GREB1: variants seen among roughly 807,000 people sequenced by gnomAD.
The protein encoded by GREB1 is growth regulating estrogen receptor binding 1.
In GREB1, 106 loss-of-function variants were observed where a neutral mutation model predicts 200.7. The ratio of observed to expected loss-of-function variants is 0.53; its 90% confidence interval spans 0.45 to 0.62. The LOEUF (loss-of-function observed/expected upper bound fraction) is 0.62. GREB1 is among the 20% of genes least tolerant of loss of function. The pLI is 0.00. For missense variants in GREB1, 2,243 were observed against 2,556.8 expected, an observed-to-expected ratio of 0.88 and a Z score of 2.65; for synonymous variants, 1,132 against 1,092.4, an observed-to-expected ratio of 1.04 and a Z score of -0.72.
chr2:11,521,271 A>G (rs1157912696), intron 1 of GREB1, among the ~76,000 whole-genome samples: 1 of 151,884 alleles, frequency 6.6e-6, no homozygotes, highest in East Asian at 1.9e-4. Flanking sequence ...CACCATACCA[A>G]GCTAATTTTT....
intron 17 of GREB1, among the ~76,000 whole-genome samples, chr2:11,604,743 C>T (rs1000006817): frequency 2.6e-5 from 4 of 152,172 alleles, no homozygotes; most frequent in African/African-American, 9.7e-5. Context: ...TCCACCATAC[C>T]GCACTGCCTT....
At chr2:11,507,278 AGG>A (rs1673206802) in intron 1 of GREB1, among the ~76,000 whole-genome samples, 1 of 152,058 alleles carries the variant, frequency 6.6e-6, no homozygotes, top group African/African-American at 2.4e-5. Flanking sequence ...GCGTGGTGGC[AGG>A]TGCCTATAAT....
rs749503604 is a variant in GREB1, at chr2:11,585,143, A to C, written c.902-18A>C. On this transcript the variant is annotated intron_variant, in intron 7 of 32. Transcript: ENST00000381486. ...CTGTCCTGGTGATAGCCTAATCCAC[A>C]CTCTGAATATTGTCTAGGTATCTTG... The C allele has an allele frequency of 1.3e-5, 19 of 1,435,448 alleles. No individual in the cohort carries two copies. In the East Asian group the frequency reaches 4.1e-4, roughly 31 times the overall value. 88.9% of individuals were successfully genotyped at this position (1,435,448 alleles called of 1,614,324 possible).
chr2:11,621,040 G>A lies in GREB1; in HGVS notation c.4147+33G>A, dbSNP rs752829052. On this transcript the variant is annotated intron_variant, in intron 23 of 32. Transcript: ENST00000381486. ...ATCTGTTTGGGGTTATGTGGGCTTG[G>A]AGCCACCTTCATCACTTTCTCAAGT... 8.5e-6 allele frequency: 10 copies of A among 1,173,482 alleles called. No homozygotes were observed. The Admixed American group carries it at 1.4e-4, about 16-fold the overall frequency. 72.7% of individuals were successfully genotyped at this position (1,173,482 alleles called of 1,614,324 possible). A position where few individuals can be genotyped will look rare whatever the true frequency, so the allele number is the denominator to read the frequency against.
chr2:11,628,264 T>C (rs1361666288), intron 25 of GREB1, among the ~76,000 whole-genome samples: 14 of 152,204 alleles, frequency 9.2e-5, no homozygotes. Context: ...AATATTTCTT[T>C]TCATTTCAGA....
chr2:11,501,183 G>A lies in GREB1; in HGVS notation c.-159+18802G>A, dbSNP rs116402381. On this transcript the variant is annotated intron_variant, in intron 1 of 2. Coordinates refer to the GREB1 transcript ENST00000628795. ...ACACATTCAGTTTTTTTTCCTGGAG[G>A]GACACTCTTTAATCAGCTGTGTTCC... Among the ~76,000 whole-genome samples, 1,032 of 152,140 alleles carry A rather than the reference G, an allele frequency of 6.8e-3. 10 individuals carry two copies. The highest frequency in any genetic ancestry group is 0.022 in the African/African-American group (912 of 41,486).
upstream of GREB1, among the ~76,000 whole-genome samples, chr2:11,533,878 G>A (rs1333484161): frequency 6.6e-6 from 1 of 152,168 alleles, no homozygotes; most frequent in East Asian, 1.9e-4. Context: ...ACTATAACTT[G>A]ATATATGTGT....
intron 11 of GREB1, among the ~76,000 whole-genome samples, chr2:11,594,989 T>C (rs12473442): frequency 0.58 from 86,097 of 148,748 alleles, 26,178 homozygotes; most frequent in African/African-American, 0.79. Flanking sequence ...CCACTGTGCC[T>C]GGCCTTTTTT....
chr2:11,518,171 C>G (rs1476113168), intron 1 of GREB1, among the ~76,000 whole-genome samples: 1 of 152,136 alleles, frequency 6.6e-6, no homozygotes, highest in Non-Finnish European at 1.5e-5. Flanking sequence ...GAGTGGACAA[C>G]CTGCTGAGAG....
rs13424731 is a variant in GREB1 at position 11,588,669 on chromosome 2, C to T, written c.1160-77C>T. On this transcript the variant is annotated intron_variant, in intron 9 of 32. Transcript: ENST00000381486. ...TCACCTATCTCCTTCAGTGCCCTCA[C>T]CCCCAGAGAACCCACATGTATGGGA... The T allele has an allele frequency of 5.7e-3, 7,590 of 1,327,166 alleles. 330 individuals carry two copies. The African/African-American group carries it at 0.091, about 16-fold the overall frequency. The allele number at this position is 1,327,166 out of a possible 1,614,324, so 82.2% of individuals were successfully genotyped here.
intron 25 of GREB1, among the ~76,000 whole-genome samples, chr2:11,628,655 A>G (rs557021208): frequency 7.2e-5 from 11 of 152,338 alleles, no homozygotes; most frequent in Non-Finnish European, 1.6e-4. Context: ...AAAAACATAC[A>G]TGAAAACACG....
At chr2:11,576,234 G>A in intron 4 of GREB1, 119 bp from the exon 5 acceptor site, 1 of 757,492 alleles carries the variant, frequency 1.3e-6, no homozygotes, top group Non-Finnish European at 2.2e-6. Context: ...TTGAACCTGG[G>A]AGATAGAGGT....
In GREB1 at chr2:11,634,138, T is replaced by A. The variant is rs769980721; in HGVS notation, c.4999T>A (p.Ser1667Thr). The change falls in exon 29 of 33, where the codon TCC becomes ACC. Residue 1667 changes from serine to threonine, a missense_variant. By Grantham distance (58) the Ser-to-Thr change is moderately conservative (BLOSUM62 1). Around this residue, in one of 3 missense-constraint regions of GREB1, gnomAD observed 478 missense variants for 616.3 expected, o/e 0.78. Transcript: ENST00000381486. ...NSAGERSREF[S>T]WSERNVSLKH... ...TCTCCCTCCTTGGAGCAGGGAGTTCTCCTGGTCGGAAAGGAACGTGTCTTT... is the reference window on the plus strand; with the variant it reads ...TCTCCCTCCTTGGAGCAGGGAGTTCACCTGGTCGGAAAGGAACGTGTCTTT... 4 of 1,614,174 alleles carry A rather than the reference T, an allele frequency of 2.5e-6. No homozygotes were observed. The highest frequency in any genetic ancestry group is 3.4e-6 in the Non-Finnish European group (4 of 1,180,010).
chr2:11,531,489 A>C (rs889536976), upstream of GREB1, among the ~76,000 whole-genome samples: 1 of 152,132 alleles, frequency 6.6e-6, no homozygotes, highest in African/African-American at 2.4e-5. Context: ...AATTTAGAAA[A>C]TACAGATGAT....
intron 7 of GREB1, among the ~76,000 whole-genome samples, chr2:11,584,285 G>A (rs1459373264): frequency 6.6e-6 from 1 of 152,186 alleles, no homozygotes; most frequent in Non-Finnish European, 1.5e-5. Context: ...AACCATTCAC[G>A]AAGATAGTTT....
In GREB1 at chr2:11,604,971, G is replaced by A. The variant is rs1682114432; in HGVS notation, c.2666+2429G>A. Among the ~76,000 whole-genome samples the A allele has an allele frequency of 2.0e-5, 3 of 151,940 alleles. No homozygotes were observed. The South Asian group carries it at 6.2e-4, about 32-fold the overall frequency. On this transcript the variant is annotated intron_variant, in intron 17 of 32. Transcript: ENST00000381486. The stretch of plus-strand genomic sequence containing the variant: ...CTGTGACTTAAAAACAAAAGATCTA[G>A]ACCTTTGACAACTCCTATTTTTATT...
chr2:11,522,977 T>C (rs1334897328), intron 1 of GREB1, among the ~76,000 whole-genome samples: 1 of 152,178 alleles, frequency 6.6e-6, no homozygotes, highest in Non-Finnish European at 1.5e-5. Flanking sequence ...TCAACCTAGA[T>C]GCCCATCAGT....
intron 7 of GREB1, 107 bp from the exon 8 acceptor site, chr2:11,585,053 GA>G (rs55893544): frequency 2.6e-3 from 1,210 of 470,566 alleles, no homozygotes; most frequent in South Asian, 7.5e-3. Flanking sequence ...TCTGTGATTA[GA>G]AAAAAAAAAA....
Position 11,603,754 on chromosome 2 carries a change from C to T in GREB1, c.2666+1212C>T, listed in dbSNP as rs145264972. Among the ~76,000 whole-genome samples, 540 of 152,358 alleles carry T rather than the reference C, an allele frequency of 3.5e-3. 2 individuals are homozygous for T. Among genetic ancestry groups the T allele is most frequent in the African/African-American group, 0.012 (505 of 41,584 alleles). ...AGATTTCACATTGAGGCAAGAAAAC[C>T]GGCCTTTGCCCTTCCTCTGCTTCTC... On this transcript the variant is annotated intron_variant, in intron 17 of 32. Transcript: ENST00000381486.
Sources: allele counts gnomAD v4.1 joint callset (sites outside exome capture counted in the v4.1 genomes callset), GRCh38; gene constraint gnomAD v4.1.1; regional missense constraint gnomAD v4.1.1; transcripts MANE v1.5; gene names NCBI Gene and HGNC (gene_info 2026-07-23, HGNC 2026-07-21).